DGLUCY: variants seen among roughly 807,000 people sequenced by gnomAD.
The protein encoded by DGLUCY is D-glutamate cyclase, also known as D-glutamate cyclase, mitochondrial.
Under a neutral mutation model 58.5 loss-of-function variants are expected in DGLUCY, and 58 were observed. That is an observed-to-expected ratio of 0.99 (90% CI 0.80 to 1.23). DGLUCY has a LOEUF of 1.23. Among genes scored for constraint, DGLUCY ranks in the 50% most tolerant of loss-of-function variants. The probability of loss-of-function intolerance (pLI) is 0.00; values close to 1 mark genes in which losing one functional copy is unlikely to be tolerated. For missense variants in DGLUCY, 779 were observed against 784.7 expected, an observed-to-expected ratio of 0.99 and a Z score of 0.09; for synonymous variants, 325 against 314.1, an observed-to-expected ratio of 1.03 and a Z score of -0.37.
chr14:91,187,725 T>C (rs917658104), intron 8 of DGLUCY, among the ~76,000 whole-genome samples: 7 of 152,190 alleles, frequency 4.6e-5, no homozygotes, highest in Non-Finnish European at 1.0e-4. Context: ...AACGCCCTAA[T>C]AGGCAGGTGA....
intron 13 of DGLUCY, among the ~76,000 whole-genome samples, chr14:91,217,816 T>C (rs1886814762): frequency 6.6e-6 from 1 of 152,144 alleles, no homozygotes; most frequent in East Asian, 1.9e-4. Flanking sequence ...CCTGTTTTCT[T>C]ACACCCTGTC....
At chr14:91,175,797 C>T (rs1468211979) in intron 6 of DGLUCY, 137 bp from the exon 7 acceptor site, 1 of 981,918 alleles carries the variant, frequency 1.0e-6, no homozygotes. Flanking sequence ...TATTCTCCTT[C>T]ACCTCTTCCT....
chr14:91,203,677 GTTT>G (rs142610008), intron 11 of DGLUCY, among the ~76,000 whole-genome samples: 118,884 of 145,338 alleles, frequency 0.82, 49,422 homozygotes, highest in Middle Eastern at 0.93. Context: ...TTTTTTGTGT[GTTT>G]TTTTTTTTTT....
rs983856437 is a variant in DGLUCY at position 91,143,337 on chromosome 14, T to C, written c.-81-14302T>C. ...GTCTTCATCTCCTGACCTCGTGATC[T>C]GCCCGCCTCTGCCTCCCAAAGTGCT... On this transcript the variant is annotated intron_variant, in intron 1 of 13. Coordinates refer to ENST00000256324, the MANE Select transcript of DGLUCY (RefSeq NM_001102368.3). Among the ~76,000 whole-genome samples the C allele has an allele frequency of 1.3e-3, 200 of 152,164 alleles. 1 individual carries two copies. The highest frequency in any genetic ancestry group is 1.8e-3 in the Non-Finnish European group (124 of 68,008).
intron 1 of DGLUCY, among the ~76,000 whole-genome samples, chr14:91,063,496 A>G (rs777646500): frequency 1.3e-5 from 2 of 152,228 alleles, no homozygotes; most frequent in Non-Finnish European, 2.9e-5. Flanking sequence ...TAATTCTTTA[A>G]GGAGCCACCT....
intron 7 of DGLUCY, among the ~76,000 whole-genome samples, chr14:91,180,165 C>T (rs945002721): frequency 2.2e-4 from 33 of 151,422 alleles, no homozygotes; most frequent in East Asian, 2.0e-4. Context: ...ATTGGGATTA[C>T]AGCCGTGAGC....
chr14:91,130,132 C>G (rs2045947355), intron 1 of DGLUCY, among the ~76,000 whole-genome samples: 1 of 152,070 alleles, frequency 6.6e-6, no homozygotes, highest in African/African-American at 2.4e-5. Flanking sequence ...ATTTTTTTCC[C>G]TAAAGTGGTT....
In DGLUCY at chr14:91,189,168, A is replaced by C. The variant is rs150741072; in HGVS notation, c.1193A>C (p.Gln398Pro). ...AAGATTGTTGAAGATGCTGTTGAGC[A>C]AGGTAAGCAGTGAGATGGGCTTGGT... ...HQKIVEDAVE[Q>P]GVLKTQIPIL... The change falls in exon 9 of 14, where the codon CAA (glutamine) becomes CCA (proline). Residue 398 changes from glutamine (Q) to proline (P), a missense_variant and splice_region_variant. Gln to Pro is a moderately conservative substitution (Grantham distance 76). Coordinates refer to ENST00000256324, the MANE Select transcript of DGLUCY (RefSeq NM_001102368.3). The C allele has an allele frequency of 1.2e-6, 2 of 1,614,048 alleles. No individual in the cohort carries two copies. The highest frequency in any genetic ancestry group is 1.7e-6 in the Non-Finnish European group (2 of 1,179,996).
In DGLUCY at chr14:91,079,953, A is replaced by G. The variant is rs1010531032; in HGVS notation, c.-82+19249A>G. Among the ~76,000 whole-genome samples, 9 of 152,178 alleles carry G rather than the reference A, an allele frequency of 5.9e-5. No individual in the cohort carries two copies. The South Asian group carries it at 1.7e-3, about 28-fold the overall frequency. ...TCATCCTCCGGACCCATTAAACAAT[A>G]ATACCCCCATTTTTCCCTTCCCCCA... On this transcript the variant is annotated intron_variant, in intron 1 of 4. Coordinates refer to the DGLUCY transcript ENST00000521334.
intron 1 of DGLUCY, among the ~76,000 whole-genome samples, chr14:91,155,596 G>T (rs903251905): frequency 6.6e-6 from 1 of 152,000 alleles, no homozygotes; most frequent in Non-Finnish European, 1.5e-5. Context: ...GATCATTTGA[G>T]CCCAGGAGTT....
chr14:91,078,945 C>G, intron 1 of DGLUCY, among the ~76,000 whole-genome samples: 1 of 146,696 alleles, frequency 6.8e-6, no homozygotes, highest in East Asian at 2.0e-4. Context: ...ACTCGGTCAC[C>G]CAGGCTGGAA....
At chr14:91,202,634 C>T (rs2050642136) in intron 11 of DGLUCY, among the ~76,000 whole-genome samples, 1 of 152,132 alleles carries the variant, frequency 6.6e-6, no homozygotes, top group Admixed American at 6.5e-5. Context: ...GGACCTCAGC[C>T]TGTGGGGGAG....
intron 9 of DGLUCY, among the ~76,000 whole-genome samples, chr14:91,194,902 C>T (rs1176924876): frequency 2.0e-5 from 3 of 152,172 alleles, no homozygotes; most frequent in Middle Eastern, 3.2e-3. Context: ...GCCCCATTGA[C>T]CCACTGGGGT....
At chr14:91,219,112 G>A (rs1365161895) in intron 13 of DGLUCY, among the ~76,000 whole-genome samples, 2 of 151,906 alleles carry the variant, frequency 1.3e-5, no homozygotes, top group Non-Finnish European at 2.9e-5. Flanking sequence ...CTCGGGAGGC[G>A]GAGGTTGCAG....
chr14:91,109,580 G>A (rs933377001), upstream of DGLUCY, among the ~76,000 whole-genome samples: 4 of 152,160 alleles, frequency 2.6e-5, no homozygotes, highest in Non-Finnish European at 1.5e-5. Context: ...GCAGAAGTGG[G>A]TCAGAACATA....
At chr14:91,064,090 C>A (rs2043777845) in intron 1 of DGLUCY, among the ~76,000 whole-genome samples, 1 of 152,188 alleles carries the variant, frequency 6.6e-6, no homozygotes, top group African/African-American at 2.4e-5. Context: ...ACCAGTGTTT[C>A]TAGCGTGAGC....
intron 1 of DGLUCY, among the ~76,000 whole-genome samples, chr14:91,128,228 T>A (rs1467511419): frequency 6.6e-6 from 1 of 151,194 alleles, no homozygotes; most frequent in Non-Finnish European, 1.5e-5. Context: ...ATCCCAGCAC[T>A]TTGGGAGGCT....
chr14:91,068,738 C>T (rs531321966), intron 1 of DGLUCY, among the ~76,000 whole-genome samples: 3 of 152,102 alleles, frequency 2.0e-5, no homozygotes, highest in Non-Finnish European at 2.9e-5. Context: ...ATCTTCTGGA[C>T]GGAATACAAA....
At chr14:91,110,597 A>C (rs2044677533), upstream of DGLUCY, among the ~76,000 whole-genome samples, 1 of 151,424 alleles carries the variant, frequency 6.6e-6, no homozygotes, top group Non-Finnish European at 1.5e-5. Context: ...TGCCTGGATA[A>C]TTTTTGTATT....
Sources: gnomAD v4.1 joint callset for allele counts (sites outside exome capture counted in the v4.1 genomes callset) on GRCh38, gnomAD v4.1.1 for gene constraint, MANE v1.5 for transcripts, NCBI Gene and HGNC (gene_info 2026-07-23, HGNC 2026-07-21) for gene names.